Variants in POLR1D observed in about 807,000 individuals in gnomAD.
The protein encoded by POLR1D is DNA-directed RNA polymerases I and III subunit RPAC2.
In POLR1D, 8 loss-of-function variants were observed where a neutral mutation model predicts 10.8. The ratio of observed to expected loss-of-function variants is 0.74; its 90% CI spans 0.43 to 1.33. POLR1D has a LOEUF of 1.33. POLR1D is among the 40% of genes most tolerant of loss of function. The pLI is 0.01. For missense variants in POLR1D, 152 were observed against 161.7 expected, an observed-to-expected ratio of 0.94 and a Z score of 0.32; for synonymous variants, 54 against 57.2, an observed-to-expected ratio of 0.94 and a Z score of 0.25.
chr13:27,647,835 A>G (rs548489093), intron 1 of POLR1D, among the ~76,000 whole-genome samples: 1 of 152,310 alleles, frequency 6.6e-6, no homozygotes, highest in Non-Finnish European at 1.5e-5. Context: ...GGACAAAGTA[A>G]AAAATTTTTA....
At chr13:27,622,804 G>A (rs532914429) in intron 1 of POLR1D, 71 bp from the exon 2 acceptor site, 3 of 957,362 alleles carry the variant, frequency 3.1e-6, no homozygotes, top group East Asian at 2.6e-5. Flanking sequence ...ATGTGATATA[G>A]TAAATGAGAA....
chr13:27,628,966 C>T (rs1353527803), intron 1 of POLR1D, among the ~76,000 whole-genome samples: 1 of 152,122 alleles, frequency 6.6e-6, no homozygotes, highest in Admixed American at 6.5e-5. Context: ...CAGGCATGTG[C>T]CACCATGCCT....
At chr13:27,622,164 G>C (rs1185525516) in intron 1 of POLR1D, 155 bp downstream of exon 1, 1 of 697,626 alleles carries the variant, frequency 1.4e-6, no homozygotes, top group Non-Finnish European at 2.5e-6. Context: ...ATGTGTTTCA[G>C]TTGAGAGGCT....
chr13:27,622,193 CAAGG>C, intron 1 of POLR1D, 184 bp downstream of exon 1: 1 of 629,446 alleles, frequency 1.6e-6, no homozygotes, highest in Non-Finnish European at 2.8e-6. Flanking sequence ...CACTAGCTAT[CAAGG>C]AGGGAAGACA....
intron 1 of POLR1D, among the ~76,000 whole-genome samples, chr13:27,629,381 A>AT (rs1956050571): frequency 6.6e-6 from 1 of 152,212 alleles, no homozygotes; most frequent in Non-Finnish European, 1.5e-5. Context: ...ACAAGTGTTA[A>AT]TTTAGATAAT....
At chr13:27,621,814 C>A (rs1010941770), upstream of POLR1D, 4 of 643,698 alleles carry the variant, frequency 6.2e-6, no homozygotes, top group Non-Finnish European at 1.1e-5. Flanking sequence ...CCTCATGCCC[C>A]GCCCCGCGGC....
At chr13:27,628,889 C>T (rs553291357) in intron 1 of POLR1D, among the ~76,000 whole-genome samples, 182 of 152,308 alleles carry the variant, frequency 1.2e-3, no homozygotes, top group African/African-American at 4.3e-3. Flanking sequence ...AATCTCAACT[C>T]GCTGCAGCCT....
intron 1 of POLR1D, among the ~76,000 whole-genome samples, chr13:27,643,290 T>C (rs1956191125): frequency 6.6e-6 from 1 of 152,224 alleles, no homozygotes; most frequent in Non-Finnish European, 1.5e-5. Context: ...AATAAGTCTT[T>C]TCATTTCCCA....
intron 2 of POLR1D, chr13:27,650,866 C>G (rs140545670): frequency 6.6e-6 from 1 of 152,082 alleles, no homozygotes; most frequent in Non-Finnish European, 1.5e-5. Context: ...TTATAGGATG[C>G]TAGAGCACCA....
chr13:27,623,689 T>C (rs937224185), downstream of POLR1D, among the ~76,000 whole-genome samples: 2 of 151,948 alleles, frequency 1.3e-5, no homozygotes, highest in African/African-American at 4.8e-5. Context: ...GGAAAGAAGA[T>C]TGGGGTGGGG....
chr13:27,645,021 G>T (rs7337722), intron 1 of POLR1D, among the ~76,000 whole-genome samples: 1 of 152,212 alleles, frequency 6.6e-6, no homozygotes, highest in Non-Finnish European at 1.5e-5. Context: ...TAATTTTGAA[G>T]GTAGTTATAG....
Position 27,667,018 on chromosome 13 carries a change from C to T in POLR1D, c.*1065C>T, listed in dbSNP as rs144720546. ...ATCCCTGCTCCCTACTTCCTGGCAG[C>T]CAAGAAAAGCCCTTTCTACATGCTA... On this transcript the variant is annotated 3_prime_UTR_variant, in exon 3 of 3. Coordinates refer to the POLR1D transcript ENST00000399697. 4.2e-3 allele frequency: 640 copies of T among 152,340 alleles called. 2 individuals are homozygous for T. The highest frequency in any genetic ancestry group is 0.017 in the Middle Eastern group (5 of 296). The allele number at this position is 152,340 out of a possible 1,614,324, so 9.4% of individuals were successfully genotyped here.
chr13:27,636,722 G>C (rs1241375396), intron 1 of POLR1D, among the ~76,000 whole-genome samples: 3 of 152,124 alleles, frequency 2.0e-5, no homozygotes, highest in Non-Finnish European at 2.9e-5. Context: ...ATGCTGTTTG[G>C]ATAATCAGCA....
chr13:27,663,108 G>A lies in POLR1D; in HGVS notation c.102-2578G>A, dbSNP rs977720838. Among the ~76,000 whole-genome samples the A allele has an allele frequency of 1.3e-5, 2 of 152,174 alleles. No individual in the cohort carries two copies. The highest frequency in any genetic ancestry group is 4.1e-4 in the South Asian group (2 of 4,832). ...CTCAGACATTGGTTTTGATGTTGCC[G>A]TCCTTAGACTTGGATCTATTCTGTG... On this transcript the variant is annotated intron_variant, in intron 2 of 2. Transcript: ENST00000399697. This position sits in a 1 kb window ranked among gnomAD's most constrained non-coding sequence, Gnocchi z 4.1.
chr13:27,665,922 A>G lies in POLR1D; in HGVS notation c.338A>G (p.Asp113Gly), dbSNP rs3742113. 6 of 1,614,102 alleles carry G rather than the reference A, an allele frequency of 3.7e-6. No individual in the cohort carries two copies. The Admixed American group carries it at 6.7e-5, about 18-fold the overall frequency. ...CCGCCACGAAAGCGGAGCAGCCAGG[A>G]CAAGTACGAAAAGCGGTCCAACCGG... Residue 113 changes from aspartate to glycine, a missense_variant, in exon 3 of 3, where the codon GAC becomes GGC. Transcript: ENST00000399697.
At chr13:27,642,665 A>G (rs1308959964) in intron 1 of POLR1D, among the ~76,000 whole-genome samples, 1 of 152,200 alleles carries the variant, frequency 6.6e-6, no homozygotes, top group African/African-American at 2.4e-5. Flanking sequence ...CCAGGCATAG[A>G]GAAAACTAGG....
chr13:27,642,590 G>A (rs754119777), intron 1 of POLR1D, among the ~76,000 whole-genome samples: 3 of 151,386 alleles, frequency 2.0e-5, no homozygotes, highest in Admixed American at 6.6e-5. Context: ...CCTTGCATTT[G>A]TATCATGTCC....
intron 1 of POLR1D, among the ~76,000 whole-genome samples, chr13:27,645,565 ATC>A (rs1956212166): frequency 3.3e-5 from 5 of 152,160 alleles, no homozygotes; most frequent in Non-Finnish European, 7.3e-5. Flanking sequence ...AAAGCTCTAT[ATC>A]TTCATTAGTT....
chr13:27,647,000 C>G (rs926107342), intron 1 of POLR1D, among the ~76,000 whole-genome samples: 1 of 152,030 alleles, frequency 6.6e-6, no homozygotes, highest in Non-Finnish European at 1.5e-5. Flanking sequence ...AATATAGACT[C>G]TATATAATTA....
Sources: gnomAD v4.1 joint callset for allele counts (sites outside exome capture counted in the v4.1 genomes callset) on GRCh38, gnomAD v4.1.1 for gene constraint, Gnocchi (gnomAD v3.1) non-coding constraint, MANE v1.5 for transcripts, NCBI Gene and HGNC (gene_info 2026-07-23, HGNC 2026-07-21) for gene names.